Variants in MYO5C observed in about 807,000 individuals in gnomAD.
MYO5C encodes myosin VC.
In MYO5C, 194 loss-of-function variants were observed where a neutral mutation model predicts 235.7. The observed-to-expected ratio is 0.82, with a 90% CI of 0.73 to 0.93. The LOEUF (loss-of-function observed/expected upper bound fraction) is 0.93. MYO5C is among the 40% of genes least tolerant of loss of function. The pLI, the probability that MYO5C is intolerant of heterozygous loss-of-function variation, is 0.00. For synonymous variants in MYO5C, 707 were observed against 754.8 expected, an observed-to-expected ratio of 0.94 and a Z score of 1.04; for missense variants, 2,038 against 2,127.2, an observed-to-expected ratio of 0.96 and a Z score of 0.82.
chr15:52,208,896 G>C (rs1217730028), intron 35 of MYO5C, among the ~76,000 whole-genome samples: 1 of 152,148 alleles, frequency 6.6e-6, no homozygotes, highest in Non-Finnish European at 1.5e-5. Context: ...CATGAGAAAT[G>C]CAAGTTTCAC....
At chr15:52,246,457 T>G (rs1035512845) in intron 16 of MYO5C, among the ~76,000 whole-genome samples, 1 of 152,168 alleles carries the variant, frequency 6.6e-6, no homozygotes, top group Non-Finnish European at 1.5e-5. Flanking sequence ...ACCACCTCCA[T>G]AGACAGCTCA....
intron 36 of MYO5C, 120 bp downstream of exon 36, chr15:52,208,434 A>T: frequency 1.2e-6 from 1 of 859,998 alleles, no homozygotes; most frequent in Non-Finnish European, 1.8e-6. Context: ...CAAGAGTCCA[A>T]CAGATAATGT....
intron 17 of MYO5C, 87 bp downstream of exon 17, chr15:52,245,869 C>CA: frequency 7.8e-7 from 1 of 1,286,864 alleles, no homozygotes; most frequent in Non-Finnish European, 1.1e-6. Flanking sequence ...AAGTATGTGA[C>CA]AAAAATCATG....
chr15:52,208,590 A>C lies in MYO5C; in HGVS notation c.4350T>G (p.His1450Gln), dbSNP rs2035375283. Residue 1450 changes from histidine to glutamine, a missense_variant, in exon 36 of 41, where the codon CAT becomes CAG. His to Gln is a conservative substitution (Grantham distance 24). Coordinates refer to ENST00000261839, the MANE Select transcript of MYO5C (RefSeq NM_018728.4). ...TGTACTGCTTCAGGCAATTGAGAAA[A>C]TGACAAGTGTTGGAAAGCCAAAAGG... is the stretch of plus-strand genomic sequence containing the variant. ...MLSFWLSNTC[H>Q]FLNCLKQYSG... 6.2e-7 allele frequency: 1 copy of C among 1,614,098 alleles called. No homozygotes were observed. Among genetic ancestry groups the C allele is most frequent in the South Asian group, 1.1e-5 (1 of 91,082 alleles).
chr15:52,282,999 C>T (rs2037192521), intron 1 of MYO5C, 107 bp from the exon 2 acceptor site: 1 of 730,802 alleles, frequency 1.4e-6, no homozygotes, highest in Non-Finnish European at 2.5e-6. Flanking sequence ...TCAGCTCCTT[C>T]ATGAGGAATA....
At chr15:52,244,211 G>T in intron 19 of MYO5C, 145 bp downstream of exon 19, 1 of 710,696 alleles carries the variant, frequency 1.4e-6, no homozygotes, top group South Asian at 2.0e-5. Flanking sequence ...TTGCCCTAAT[G>T]CTCACGACCA....
intron 19 of MYO5C, chr15:52,242,469 G>T: frequency 2.3e-6 from 1 of 440,246 alleles, no homozygotes. Flanking sequence ...GGTACCCACA[G>T]AGACGATGAT....
At chr15:52,207,242 TCAGA>T (rs1429955524) in intron 36 of MYO5C, among the ~76,000 whole-genome samples, 12 of 151,820 alleles carry the variant, frequency 7.9e-5, no homozygotes, top group Non-Finnish European at 1.8e-4. Context: ...GAAAAAGCAG[TCAGA>T]CAGGGAAAAG....
intron 30 of MYO5C, 65 bp from the exon 31 acceptor site, chr15:52,219,887 G>T: frequency 7.5e-7 from 1 of 1,336,342 alleles, no homozygotes; most frequent in Non-Finnish European, 1.1e-6. Flanking sequence ...ATTTGGGTTT[G>T]GTATTATTTT....
chr15:52,260,891 G>A lies in MYO5C; in HGVS notation c.1284C>T (p.His428=). 1 of 1,614,194 alleles carries A rather than the reference G, an allele frequency of 6.2e-7. No individual in the cohort carries two copies. Among genetic ancestry groups the A allele is most frequent in the Non-Finnish European group, 8.5e-7 (1 of 1,180,026 alleles). The part of the protein sequence containing the change: ...NQALQFSGKQ[H]TFIGVLDIYG... Reference sequence around the variant, plus strand: ...AAATGTCCAAAACACCAATAAAAGTGTGCTGCTTGCCTGAAAACTGCAACG... The same window carrying A: ...AAATGTCCAAAACACCAATAAAAGTATGCTGCTTGCCTGAAAACTGCAACG... Residue 428 remains histidine (H), a synonymous_variant, in exon 10 of 41, where the codon CAC becomes CAT. Coordinates refer to ENST00000261839, the MANE Select transcript of MYO5C (RefSeq NM_018728.4).
intron 20 of MYO5C, 32 bp downstream of exon 20, chr15:52,242,016 C>T: frequency 1.3e-6 from 2 of 1,581,792 alleles, no homozygotes; most frequent in Non-Finnish European, 1.7e-6. Flanking sequence ...GCCCGTACAC[C>T]CTCCCTTCCT....
Position 52,229,168 on chromosome 15 carries a change from T to C in MYO5C, c.3172A>G (p.Lys1058Glu). ...TTGCTCAGGCGGGCCACTTCCGCCT[T>C]CAAGCCATCAGAAGTGACGTGCTCC... ...EGEHVTSDGL[K>E]AEVARLSKQV... The change falls in exon 25 of 41, where the codon AAG becomes GAG. Residue 1058 changes from lysine (K) to glutamate (E), a missense_variant. Coordinates refer to ENST00000261839, the MANE Select transcript of MYO5C (RefSeq NM_018728.4). The C allele has an allele frequency of 1.9e-6, 3 of 1,614,218 alleles. No homozygotes were observed. The highest frequency in any genetic ancestry group is 1.7e-6 in the Non-Finnish European group (2 of 1,180,034).
intron 38 of MYO5C, among the ~76,000 whole-genome samples, chr15:52,203,914 C>T (rs1404481729): frequency 6.6e-6 from 1 of 152,176 alleles, no homozygotes; most frequent in African/African-American, 2.4e-5. Flanking sequence ...GCTTATTTCA[C>T]TTAGCATAAT....
In MYO5C at chr15:52,234,096, T is replaced by C. The variant is rs74015640; in HGVS notation, c.2963-1411A>G. Among the ~76,000 whole-genome samples, 748 of 152,364 alleles carry C rather than the reference T, an allele frequency of 4.9e-3. 4 individuals carry two copies. Among genetic ancestry groups the C allele is most frequent in the African/African-American group, 0.017 (714 of 41,584 alleles). Reference sequence around the variant, plus strand: ...CTCAATTTTCAATTAACCAAAAGCATTGGCTTTAATTCTGGTGCTTACCAT... The same window carrying C: ...CTCAATTTTCAATTAACCAAAAGCACTGGCTTTAATTCTGGTGCTTACCAT... On this transcript the variant is annotated intron_variant, in intron 23 of 40. Coordinates refer to ENST00000261839, the MANE Select transcript of MYO5C (RefSeq NM_018728.4).
rs965662440 is a variant in MYO5C, at chr15:52,295,657, A to G, written c.-21T>C. 7.7e-6 allele frequency: 11 copies of G among 1,428,552 alleles called. No homozygotes were observed. The highest frequency in any genetic ancestry group is 2.1e-4 in the Middle Eastern group (1 of 4,784). The allele number at this position is 1,428,552 out of a possible 1,614,324, so 88.5% of individuals were successfully genotyped here. On this transcript the variant is annotated 5_prime_UTR_variant, in exon 1 of 41. Transcript: ENST00000261839. ...GCCATGGGCAGGAGGGGCCGGGGCC[A>G]GGCCGGGGCTGCCGAACGTGCGAGG... is the stretch of plus-strand genomic sequence containing the variant.
At chr15:52,250,573 C>G (rs577261538) in intron 13 of MYO5C, among the ~76,000 whole-genome samples, 1 of 152,176 alleles carries the variant, frequency 6.6e-6, no homozygotes, top group Non-Finnish European at 1.5e-5. Flanking sequence ...TTACAGTACT[C>G]TGCTAGCACA....
intron 30 of MYO5C, 98 bp from the exon 31 acceptor site, chr15:52,219,920 A>G (rs1019946558): frequency 1.2e-6 from 1 of 842,144 alleles, no homozygotes; most frequent in African/African-American, 1.7e-5. Context: ...GTCCTAAACT[A>G]GGGGTGTCCG....
chr15:52,236,148 C>G (rs1156475998), intron 22 of MYO5C, among the ~76,000 whole-genome samples: 1 of 152,238 alleles, frequency 6.6e-6, no homozygotes, highest in South Asian at 2.1e-4. Flanking sequence ...CACTTTGCAA[C>G]TGTTATGACT....
intron 10 of MYO5C, 40 bp downstream of exon 10, chr15:52,260,822 T>C: frequency 6.2e-7 from 1 of 1,604,316 alleles, no homozygotes; most frequent in Non-Finnish European, 8.5e-7. Flanking sequence ...GCTCTCAACA[T>C]TTAAAGGAGG....
Sources: gnomAD v4.1 joint callset for allele counts (sites outside exome capture counted in the v4.1 genomes callset) on GRCh38, gnomAD v4.1.1 for gene constraint, MANE v1.5 for transcripts, NCBI Gene and HGNC (gene_info 2026-07-23, HGNC 2026-07-21) for gene names.